The following CDH4 variants were observed in gnomAD, a reference collection of about 807,000 sequenced individuals.
CDH4 encodes the protein cadherin-4.
Under a neutral mutation model 86.0 loss-of-function variants are expected in CDH4, and 33 were observed. That is an observed-to-expected ratio of 0.38 (90% CI 0.29 to 0.51). The LOEUF (loss-of-function observed/expected upper bound fraction) is 0.51, where lower values mean the gene tolerates loss of function less well. Among genes scored for constraint, CDH4 ranks in the 20% least tolerant of loss-of-function variants. CDH4 has a pLI of 0.86. For synonymous variants in CDH4, 555 were observed against 549.4 expected, an observed-to-expected ratio of 1.01 and a Z score of -0.14; for missense variants, 1,114 against 1,307.4, an observed-to-expected ratio of 0.85 and a Z score of 2.28.
chr20:61,287,278 C>T (rs2084298460), intron 2 of CDH4, among the ~76,000 whole-genome samples: 1 of 152,118 alleles, frequency 6.6e-6, no homozygotes, highest in African/African-American at 2.4e-5. Flanking sequence ...GCACTCATGG[C>T]CAGCTTGGGC....
intron 2 of CDH4, among the ~76,000 whole-genome samples, chr20:61,647,723 G>A (rs2087080440): frequency 6.6e-6 from 1 of 152,118 alleles, no homozygotes; most frequent in Admixed American, 6.5e-5. Flanking sequence ...TTCTGTGTCT[G>A]TGGGGTGCTT....
intron 8 of CDH4, among the ~76,000 whole-genome samples, chr20:61,908,237 T>C (rs1022545778): frequency 1.3e-4 from 20 of 152,240 alleles, no homozygotes; most frequent in Admixed American, 1.3e-3. Flanking sequence ...GTCGCCGTCC[T>C]TTTTAGGAAT....
intron 2 of CDH4, among the ~76,000 whole-genome samples, chr20:61,310,403 G>T (rs917895256): frequency 1.3e-5 from 2 of 152,192 alleles, no homozygotes; most frequent in African/African-American, 2.4e-5. Flanking sequence ...TTGGGTGGGG[G>T]TTGGTGTCTG....
intron 2 of CDH4, among the ~76,000 whole-genome samples, chr20:61,602,929 G>A (rs1298766798): frequency 2.6e-5 from 4 of 152,248 alleles, no homozygotes; most frequent in African/African-American, 9.6e-5. Flanking sequence ...CCTTAGAGAT[G>A]CAGCACCTGA....
chr20:61,565,243 C>CTCTTGGTGATGGGGTGGTGGTGGTGGT (rs2086272831), intron 2 of CDH4, among the ~76,000 whole-genome samples: 1 of 35,546 alleles, frequency 2.8e-5, no homozygotes, highest in Non-Finnish European at 5.3e-5. Context: ...GTGGTGGTGG[C>CTCTTGGTGATGGGGTGGTGGTGGTGGT]GGTGCTCTTG....
At position 61,810,943 on chromosome 20, in the gene CDH4, C is replaced by T. The variant is rs941506506; in HGVS notation, c.577-33725C>T. On this transcript the variant is annotated intron_variant, in intron 4 of 15. Coordinates refer to ENST00000614565, the MANE Select transcript of CDH4 (RefSeq NM_001794.5). This position sits in a 1 kb window ranked among gnomAD's most constrained non-coding sequence, Gnocchi z 4.3. ...GGGCTGCAGGAGCCTGCAGAGCCTG[C>T]GTTATCCTGCACTGCAAATGATGCT... Among the ~76,000 whole-genome samples, 3 of 152,162 alleles carry T rather than the reference C, an allele frequency of 2.0e-5. No homozygotes were observed. Among genetic ancestry groups the T allele is most frequent in the South Asian group, 2.1e-4 (1 of 4,820 alleles).
intron 8 of CDH4, among the ~76,000 whole-genome samples, chr20:61,896,606 G>A (rs1985134593): frequency 1.3e-5 from 2 of 152,370 alleles, no homozygotes; most frequent in South Asian, 2.1e-4. Flanking sequence ...TTAACCGGGC[G>A]CAGCCCCAGG....
intron 2 of CDH4, among the ~76,000 whole-genome samples, chr20:61,357,263 C>A (rs927746238): frequency 1.3e-5 from 2 of 152,208 alleles, no homozygotes; most frequent in African/African-American, 2.4e-5. Flanking sequence ...GTTTCAGCCT[C>A]GCCTTGGACA....
At chr20:61,878,528 C>G (rs1344758402) in intron 7 of CDH4, among the ~76,000 whole-genome samples, 2 of 152,238 alleles carry the variant, frequency 1.3e-5, no homozygotes, top group Non-Finnish European at 2.9e-5. Context: ...GAAGCTGCCT[C>G]CAGCACGCAG....
Position 61,692,995 on chromosome 20 carries a change from A to C in CDH4, c.170-50568A>C, listed in dbSNP as rs191878026. 3.2e-3 allele frequency among the ~76,000 whole-genome samples: 483 copies of C among 152,274 alleles called. 18 individuals carry two copies. Among genetic ancestry groups the C allele is most frequent in the Admixed American group, 0.03 (465 of 15,300 alleles). ...TCCAGTTATCCAATTAAAATGATCCATGAGCTCAGCCAGCCCCGGGATGGA... is the reference window on the plus strand; with the variant it reads ...TCCAGTTATCCAATTAAAATGATCCCTGAGCTCAGCCAGCCCCGGGATGGA... On this transcript the variant is annotated intron_variant, in intron 2 of 15. Transcript: ENST00000614565.
chr20:61,353,695 C>CG (rs1406809612), intron 2 of CDH4, among the ~76,000 whole-genome samples: 1 of 60,650 alleles, frequency 1.6e-5, no homozygotes, highest in Non-Finnish European at 3.4e-5. Context: ...CCTCCTCCTC[C>CG]CCTCCTCCTC....
intron 2 of CDH4, among the ~76,000 whole-genome samples, chr20:61,629,910 A>G (rs960682124): frequency 5.1e-4 from 78 of 152,198 alleles, no homozygotes; most frequent in Non-Finnish European, 1.2e-4. Context: ...AGAGTCAGGG[A>G]GTCCCCTGTG....
intron 2 of CDH4, among the ~76,000 whole-genome samples, chr20:61,608,164 C>T (rs755732817): frequency 2.8e-4 from 42 of 152,294 alleles, no homozygotes; most frequent in Non-Finnish European, 4.0e-4. Context: ...ACACCCGCTG[C>T]GGAGTTCTAG....
intron 4 of CDH4, among the ~76,000 whole-genome samples, chr20:61,775,016 C>T (rs1041642683): frequency 5.9e-5 from 9 of 152,120 alleles, no homozygotes; most frequent in African/African-American, 2.2e-4. Context: ...AAGAGAATGA[C>T]TTCTGTTCCT....
At chr20:61,565,284 GGGTGATGGTGGTGGCGGTGCTCT>G in intron 2 of CDH4, among the ~76,000 whole-genome samples, 1 of 97,786 alleles carries the variant, frequency 1.0e-5, no homozygotes, top group Non-Finnish European at 2.1e-5. Flanking sequence ...CTTGGTGATG[GGGTGATGGTGGTGGCGGTGCTCT>G]TGGTGGTGGC....
At chr20:61,891,446 C>T (rs942283386) in intron 7 of CDH4, among the ~76,000 whole-genome samples, 1 of 152,202 alleles carries the variant, frequency 6.6e-6, no homozygotes, top group African/African-American at 2.4e-5. Context: ...CCCGGCCCTG[C>T]AGGAGCTCTG....
intron 9 of CDH4, among the ~76,000 whole-genome samples, chr20:61,911,778 A>T (rs989931386): frequency 2.6e-5 from 4 of 152,250 alleles, no homozygotes; most frequent in Non-Finnish European, 4.4e-5. Flanking sequence ...GCTGGATAGG[A>T]TATGCCGAAG....
chr20:61,566,953 G>A (rs6061644), intron 2 of CDH4, among the ~76,000 whole-genome samples: 62,985 of 151,958 alleles, frequency 0.41, 15,338 homozygotes, highest in Non-Finnish European at 0.55. Flanking sequence ...GTTGCCAGCG[G>A]CGGTGATGGG....
chr20:61,376,479 G>A (rs763085435), intron 2 of CDH4, among the ~76,000 whole-genome samples: 11 of 152,150 alleles, frequency 7.2e-5, no homozygotes, highest in Non-Finnish European at 1.5e-4. Context: ...ACAGAAGTGG[G>A]GCAGGGGAAC....
Sources: allele counts gnomAD v4.1 joint callset (sites outside exome capture counted in the v4.1 genomes callset), GRCh38; gene constraint gnomAD v4.1.1; non-coding constraint Gnocchi (gnomAD v3.1); transcripts MANE v1.5; gene names NCBI Gene and HGNC (gene_info 2026-07-23, HGNC 2026-07-21).